CTPS2: variants seen among roughly 807,000 people sequenced by gnomAD.
CTPS2 encodes CTP synthase II.
CTPS2 carries 19 observed loss-of-function variants against 46.8 expected under a neutral mutation model. The observed-to-expected ratio is 0.41, with a 90% CI of 0.28 to 0.60. CTPS2 has a LOEUF of 0.60. Among genes scored for constraint, CTPS2 ranks in the 20% least tolerant of loss-of-function variants. The pLI is 0.35. For synonymous variants in CTPS2, 151 were observed against 165.2 expected, an observed-to-expected ratio of 0.91 and a Z score of 0.66; for missense variants, 286 against 447.6, an observed-to-expected ratio of 0.64 and a Z score of 3.26.
At chrX:16,683,308 C>T (rs1037301402) in intron 8 of CTPS2, 82 bp from the exon 9 acceptor site, 14 of 1,029,858 alleles carry the variant, frequency 1.4e-5, no homozygotes, top group African/African-American at 1.3e-4. Flanking sequence ...TGCTCTTACT[C>T]CAAGGCACTT....
chrX:16,692,421 C>T (rs936566720), intron 6 of CTPS2, among the ~76,000 whole-genome samples: 24 of 110,225 alleles, frequency 2.2e-4, no homozygotes, highest in African/African-American at 7.9e-4. Flanking sequence ...GAGCCAAGAT[C>T]ACACCACTGT....
chrX:16,651,448 A>G (rs776497668), intron 13 of CTPS2, among the ~76,000 whole-genome samples: 2 of 112,038 alleles, frequency 1.8e-5, no homozygotes, highest in South Asian at 7.5e-4. Flanking sequence ...TAAGGCCTTC[A>G]GCATGGATTC....
chrX:16,663,844 C>T (rs755436370), intron 13 of CTPS2, among the ~76,000 whole-genome samples: 13 of 110,677 alleles, frequency 1.2e-4, no homozygotes, highest in African/African-American at 4.3e-4. Flanking sequence ...AATTTTTTTT[C>T]ATTTTTTTTG....
intron 4 of CTPS2, among the ~76,000 whole-genome samples, chrX:16,694,331 C>T (rs1164447711): frequency 1.8e-5 from 2 of 110,750 alleles, no homozygotes; most frequent in Non-Finnish European, 3.8e-5. Flanking sequence ...GCCCTCCTAC[C>T]CTCCTTCTTC....
At chrX:16,632,874 A>G (rs780567406) in intron 14 of CTPS2, among the ~76,000 whole-genome samples, 4 of 110,616 alleles carry the variant, frequency 3.6e-5, no homozygotes, top group Non-Finnish European at 7.6e-5. Flanking sequence ...TCAGCCCTCC[A>G]TTTCCTCAGC....
At chrX:16,693,249 G>A (rs749498178) in intron 5 of CTPS2, 25 bp from the exon 6 acceptor site, 1 of 1,141,345 alleles carries the variant, frequency 8.8e-7, no homozygotes, top group Admixed American at 2.2e-5. Flanking sequence ...GGTCCCGTCA[G>A]CACACTGGAC....
intron 14 of CTPS2, among the ~76,000 whole-genome samples, chrX:16,623,683 A>T (rs952374531): frequency 2.7e-4 from 30 of 109,310 alleles, no homozygotes; most frequent in African/African-American, 1.0e-3. Context: ...GTCGCTTCTA[A>T]ATCTTGGCTA....
At chrX:16,691,950 C>A (rs1923733254) in intron 6 of CTPS2, among the ~76,000 whole-genome samples, 1 of 111,791 alleles carries the variant, frequency 8.9e-6, no homozygotes, top group Non-Finnish European at 1.9e-5. Context: ...TTGCAGGTGA[C>A]ACAGTCACTG....
intron 13 of CTPS2, among the ~76,000 whole-genome samples, chrX:16,643,973 C>T (rs747501949): frequency 2.7e-5 from 3 of 111,519 alleles, no homozygotes; most frequent in Non-Finnish European, 5.6e-5. Context: ...CATTGTTATG[C>T]TCAGCCTACC....
At chrX:16,591,396 C>T (rs1928892431) in intron 17 of CTPS2, among the ~76,000 whole-genome samples, 1 of 111,379 alleles carries the variant, frequency 9.0e-6, no homozygotes, top group South Asian at 3.8e-4. Flanking sequence ...TCAATTTGTT[C>T]TTCAATGTAA....
At chrX:16,640,888 C>T (rs1025673971) in intron 13 of CTPS2, among the ~76,000 whole-genome samples, 2 of 111,667 alleles carry the variant, frequency 1.8e-5, no homozygotes, top group African/African-American at 6.5e-5. Context: ...CTTATCAGTG[C>T]CCCAGAACTT....
In CTPS2 at chrX:16,588,906, T is replaced by C. The variant is rs1928750474; in HGVS notation, c.*911A>G. ...GCATCCCTAATCTGAAAATCCAAAA[T>C]GCTCCAAAATTTCAAAATTTCTGAA... On this transcript the variant is annotated 3_prime_UTR_variant, in exon 19 of 19. Transcript: ENST00000359276. 1 of 112,271 alleles carries C rather than the reference T, an allele frequency of 8.9e-6. No homozygotes were observed. The highest frequency in any genetic ancestry group is 1.9e-5 in the Non-Finnish European group (1 of 53,301). The allele number at this position is 112,271 out of a possible 1,213,427, so 9.3% of individuals were successfully genotyped here.
At chrX:16,673,858 G>T (rs1290684314) in intron 10 of CTPS2, among the ~76,000 whole-genome samples, 1 of 111,501 alleles carries the variant, frequency 9.0e-6, no homozygotes, top group Admixed American at 9.6e-5. Context: ...TCTAGGTAAG[G>T]CTTGGGGACA....
At chrX:16,671,899 A>G (rs767674417) in intron 10 of CTPS2, among the ~76,000 whole-genome samples, 7 of 111,059 alleles carry the variant, frequency 6.3e-5, no homozygotes, top group Non-Finnish European at 1.3e-4. Flanking sequence ...GTGTGCACCA[A>G]TTGGCTGACT....
At chrX:16,652,716 C>G (rs1297295809) in intron 13 of CTPS2, among the ~76,000 whole-genome samples, 1 of 111,350 alleles carries the variant, frequency 9.0e-6, no homozygotes, top group African/African-American at 3.3e-5. Flanking sequence ...AAGACATAAT[C>G]TGGAACGAGG....
chrX:16,697,811 A>G (rs1403274168), intron 4 of CTPS2, among the ~76,000 whole-genome samples: 1 of 111,670 alleles, frequency 9.0e-6, no homozygotes, highest in Non-Finnish European at 1.9e-5. Context: ...TCCCTAACCC[A>G]GTGTCTCTTT....
chrX:16,711,530 T>C (rs1169939916), intron 1 of CTPS2: 1 of 110,911 alleles, frequency 9.0e-6, no homozygotes, highest in Non-Finnish European at 1.9e-5. Context: ...TCTTGTTCTA[T>C]GAAGTTCTAG....
intron 13 of CTPS2, among the ~76,000 whole-genome samples, chrX:16,647,043 A>G (rs989050207): frequency 3.6e-5 from 4 of 111,160 alleles, no homozygotes; most frequent in African/African-American, 1.3e-4. Context: ...TCACAAGAGT[A>G]TCTATTAGTG....
At chrX:16,653,624 C>T (rs1006074335) in intron 13 of CTPS2, among the ~76,000 whole-genome samples, 2 of 110,917 alleles carry the variant, frequency 1.8e-5, no homozygotes, top group Non-Finnish European at 3.8e-5. Context: ...TTCTCGGGCC[C>T]CACCCCAGGC....
Sources: gnomAD v4.1 joint callset for allele counts (sites outside exome capture counted in the v4.1 genomes callset) on GRCh38, gnomAD v4.1.1 for gene constraint, MANE v1.5 for transcripts, NCBI Gene and HGNC (gene_info 2026-07-23, HGNC 2026-07-21) for gene names.